The following ITPR2 variants were observed in gnomAD, a reference collection of about 807,000 sequenced individuals.
ITPR2 encodes the protein inositol 1,4,5-trisphosphate-gated calcium channel ITPR2.
Under a neutral mutation model 317.1 loss-of-function variants are expected in ITPR2, and 207 were observed. That is an observed-to-expected ratio of 0.65 (90% CI 0.58 to 0.73). The LOEUF (loss-of-function observed/expected upper bound fraction) is 0.73. Ranked by LOEUF, ITPR2 falls within the 30% of genes least tolerant of loss-of-function variation. ITPR2 has a pLI of 0.00. For synonymous variants in ITPR2, 1,156 were observed against 1,149.1 expected, an observed-to-expected ratio of 1.01 and a Z score of -0.12; for missense variants, 2,613 against 3,284.0, an observed-to-expected ratio of 0.80 and a Z score of 4.99.
chr12:26,495,154 C>T lies in ITPR2; in HGVS notation c.5180G>A (p.Gly1727Glu). ...AGAAAACAAATGACAGGACTTACCT[C>T]CCACCTGTGCAGTTTTGGAGTAGGC... ...SGAYSKTAQV[G>E]GSFSGQDSDK... Residue 1727 changes from glycine (G) to glutamate (E), a missense_variant and splice_region_variant, in exon 38 of 57, where the codon GGA becomes GAA. Around this residue, in one of 9 missense-constraint regions of ITPR2, gnomAD observed 926 missense variants for 1,072.8 expected, o/e 0.86. Transcript: ENST00000381340. 6.6e-7 allele frequency: 1 copy of T among 1,520,462 alleles called. No individual in the cohort carries two copies. Among genetic ancestry groups the T allele is most frequent in the Non-Finnish European group, 9.1e-7 (1 of 1,093,534 alleles). The allele number at this position is 1,520,462 out of a possible 1,614,324, so 94.2% of individuals were successfully genotyped here. A position where few individuals can be genotyped will look rare whatever the true frequency, so the allele number is the denominator to read the frequency against.
intron 37 of ITPR2, among the ~76,000 whole-genome samples, chr12:26,533,358 A>G (rs1327659791): frequency 6.6e-6 from 1 of 152,230 alleles, no homozygotes; most frequent in African/African-American, 2.4e-5. Flanking sequence ...CAACTTAAAC[A>G]ATAATGTTTA....
chr12:26,780,340 C>T (rs1021392985), intron 2 of ITPR2, among the ~76,000 whole-genome samples: 4 of 152,192 alleles, frequency 2.6e-5, no homozygotes, highest in Non-Finnish European at 5.9e-5. Context: ...CTGAAATAGA[C>T]ACTTACTCCA....
At chr12:26,384,766 T>C (rs1159665615) in intron 55 of ITPR2, among the ~76,000 whole-genome samples, 1 of 152,236 alleles carries the variant, frequency 6.6e-6, no homozygotes, top group Non-Finnish European at 1.5e-5. Context: ...ACTCTGACAC[T>C]GAAATCCTCA....
intron 39 of ITPR2, among the ~76,000 whole-genome samples, chr12:26,487,507 T>C (rs1248358844): frequency 6.6e-6 from 1 of 152,224 alleles, no homozygotes; most frequent in Non-Finnish European, 1.5e-5. Flanking sequence ...ACTGGTTATA[T>C]ATTTTTAAAA....
chr12:26,376,034 G>A (rs987480774), intron 55 of ITPR2, among the ~76,000 whole-genome samples: 8 of 152,166 alleles, frequency 5.3e-5, no homozygotes, highest in Non-Finnish European at 8.8e-5. Context: ...TTGGGAGGCC[G>A]ATGCTGCAGT....
At chr12:26,452,933 A>C (rs1941774963) in intron 45 of ITPR2, among the ~76,000 whole-genome samples, 1 of 152,104 alleles carries the variant, frequency 6.6e-6, no homozygotes, top group African/African-American at 2.4e-5. Context: ...AAGAGTAAAA[A>C]CTACTTTAAT....
chr12:26,411,759 C>T (rs1403582020), intron 51 of ITPR2, among the ~76,000 whole-genome samples: 2 of 152,130 alleles, frequency 1.3e-5, no homozygotes, highest in Non-Finnish European at 2.9e-5. Context: ...AACATATTCC[C>T]CTCAGTGCAG....
chr12:26,741,487 A>C (rs545200272), intron 2 of ITPR2, among the ~76,000 whole-genome samples: 1 of 152,316 alleles, frequency 6.6e-6, no homozygotes, highest in African/African-American at 2.4e-5. Context: ...TTTTATACAC[A>C]TCTCTGGAAA....
rs1280324068 is a variant in ITPR2, at chr12:26,497,067, T to C, written c.5074-1807A>G. Among the ~76,000 whole-genome samples the C allele has an allele frequency of 6.0e-5, 8 of 134,416 alleles. No homozygotes were observed. The Admixed American group carries it at 6.1e-4, about 10-fold the overall frequency. The allele number at this position is 134,416 out of a possible 152,430, so 88.2% of individuals were successfully genotyped here. On this transcript the variant is annotated intron_variant, in intron 37 of 56. Coordinates refer to ENST00000381340, the MANE Select transcript of ITPR2 (RefSeq NM_002223.4). Reference sequence around the variant, plus strand: ...TGAAATGTCAAATGACATGAAATCCTGCCCATTCTACCTTTCAGCTGTAGC... The same window carrying C: ...TGAAATGTCAAATGACATGAAATCCCGCCCATTCTACCTTTCAGCTGTAGC...
At chr12:26,769,683 T>G (rs12814680) in intron 2 of ITPR2, among the ~76,000 whole-genome samples, 55,567 of 152,006 alleles carry the variant, frequency 0.37, 12,683 homozygotes, top group Non-Finnish European at 0.53. Context: ...TAATAAATAT[T>G]TATATAATAC....
intron 4 of ITPR2, 145 bp downstream of exon 4, chr12:26,724,511 A>C: frequency 1.5e-6 from 1 of 650,126 alleles, no homozygotes; most frequent in Non-Finnish European, 2.8e-6. Flanking sequence ...TCAAATGAAT[A>C]CATCACAATA....
chr12:26,470,669 C>T (rs1172908174), intron 45 of ITPR2, among the ~76,000 whole-genome samples: 2 of 152,082 alleles, frequency 1.3e-5, no homozygotes, highest in East Asian at 1.9e-4. Context: ...ATCAGTTTGG[C>T]CAATATTTTT....
chr12:26,516,512 A>AAT lies in ITPR2; in HGVS notation c.5074-21254_5074-21253dup, dbSNP rs200333551. Reference sequence around the variant, plus strand: ...AATTACTGGTTGTATCAACTGAAAGAATATATATAAGGAATATAAAGGGGA... The same window carrying AAT: ...AATTACTGGTTGTATCAACTGAAAGAATATATATATAAGGAATATAAAGGGGA... On this transcript the variant is annotated intron_variant, in intron 37 of 56. Transcript: ENST00000381340. 4.4e-4 allele frequency among the ~76,000 whole-genome samples: 67 copies of AAT among 152,198 alleles called. 1 individual carries two copies. The highest frequency in any genetic ancestry group is 1.5e-3 in the African/African-American group (62 of 41,532).
At chr12:26,560,109 T>TTAAAAGAAGTTTAC (rs1944772814) in intron 35 of ITPR2, among the ~76,000 whole-genome samples, 1 of 152,204 alleles carries the variant, frequency 6.6e-6, no homozygotes, top group Non-Finnish European at 1.5e-5. Context: ...TATCAATCTA[T>TTAAAAGAAGTTTAC]TAAAAGAAGT....
At chr12:26,544,392 G>C (rs1313904667) in intron 37 of ITPR2, among the ~76,000 whole-genome samples, 1 of 151,986 alleles carries the variant, frequency 6.6e-6, no homozygotes, top group African/African-American at 2.4e-5. Context: ...ATTACATTTA[G>C]TTACATTAAA....
At chr12:26,347,804 C>A (rs549660004) in intron 55 of ITPR2, among the ~76,000 whole-genome samples, 1 of 152,294 alleles carries the variant, frequency 6.6e-6, no homozygotes, top group East Asian at 1.9e-4. Context: ...TATGGTATCA[C>A]GGATGCAAGT....
intron 26 of ITPR2, among the ~76,000 whole-genome samples, chr12:26,616,659 C>T (rs996329860): frequency 3.9e-5 from 6 of 152,064 alleles, no homozygotes; most frequent in African/African-American, 1.4e-4. Context: ...AATAAAATAG[C>T]AAACAAATCC....
intron 13 of ITPR2, among the ~76,000 whole-genome samples, chr12:26,667,053 A>G (rs1038516570): frequency 1.3e-5 from 2 of 152,230 alleles, no homozygotes; most frequent in African/African-American, 4.8e-5. Context: ...CTGACCAATA[A>G]ACAGTTAAAT....
intron 1 of ITPR2, among the ~76,000 whole-genome samples, chr12:26,811,036 C>CAAAAAAAAAAAAAAAAAAAAAAAAAAA (rs79796097): frequency 9.2e-6 from 1 of 108,314 alleles, no homozygotes; most frequent in African/African-American, 3.9e-5. Flanking sequence ...TTTTAAGTTA[C>CAAAAAAAAAAAAAAAAAAAAAAAAAAA]AAAAAAAAAA....
Sources: allele counts gnomAD v4.1 joint callset (sites outside exome capture counted in the v4.1 genomes callset), GRCh38; gene constraint gnomAD v4.1.1; regional missense constraint gnomAD v4.1.1; transcripts MANE v1.5; gene names NCBI Gene and HGNC (gene_info 2026-07-23, HGNC 2026-07-21).